ITGA9: variants seen among roughly 807,000 people sequenced by gnomAD.
The protein encoded by ITGA9 is integrin subunit alpha 9.
In ITGA9, 56 loss-of-function variants were observed where a neutral mutation model predicts 127.8. The observed-to-expected ratio is 0.44, with a 90% CI of 0.35 to 0.55. The LOEUF is 0.55. ITGA9 is among the 20% of genes least tolerant of loss of function. The probability of loss-of-function intolerance (pLI) is 0.00; values close to 1 mark genes in which losing one functional copy is unlikely to be tolerated. For synonymous variants in ITGA9, 508 were observed against 514.5 expected (o/e 0.99, Z 0.17); for missense variants, 1,196 against 1,347.1 (o/e 0.89, Z 1.76).
Position 37,716,577 on chromosome 3 carries a change from A to T in ITGA9, c.2068-16135A>T, listed in dbSNP as rs1470911814. Among the ~76,000 whole-genome samples, 5 of 149,602 alleles carry T rather than the reference A, an allele frequency of 3.3e-5. No homozygotes were observed. In the Admixed American group the frequency reaches 3.4e-4, roughly 10 times the overall value. ...CACAGCCAAGCCAACTCCTAACATA[A>T]TTGGAAGTTTAATATATTCCAACAA... On this transcript the variant is annotated intron_variant, in intron 18 of 27. Coordinates refer to ENST00000264741, the MANE Select transcript of ITGA9 (RefSeq NM_002207.3).
chr3:37,705,839 T>C (rs1461868940), intron 18 of ITGA9, among the ~76,000 whole-genome samples: 1 of 152,192 alleles, frequency 6.6e-6, no homozygotes, highest in Non-Finnish European at 1.5e-5. Context: ...TTCACCCAGC[T>C]TTCTAGTATA....
At chr3:37,733,515 C>CAAAAAA (rs58505517) in intron 19 of ITGA9, among the ~76,000 whole-genome samples, 2 of 80,380 alleles carry the variant, frequency 2.5e-5, no homozygotes, top group East Asian at 4.7e-4. Context: ...CTCCGTCTCA[C>CAAAAAA]AAAAAAAAAA....
chr3:37,590,770 C>A (rs1163754812), intron 15 of ITGA9, among the ~76,000 whole-genome samples: 1 of 151,462 alleles, frequency 6.6e-6, no homozygotes, highest in Non-Finnish European at 1.5e-5. Context: ...ACCCCTGGCT[C>A]CCAGGCACAG....
At chr3:37,725,676 A>C (rs915830751) in intron 18 of ITGA9, among the ~76,000 whole-genome samples, 1 of 152,228 alleles carries the variant, frequency 6.6e-6, no homozygotes, top group Admixed American at 6.5e-5. Context: ...GAGTTTTTAG[A>C]TAATGGATTT....
At position 37,471,097 on chromosome 3, in the gene ITGA9, C is replaced by A; in HGVS notation, c.276C>A (p.Asn92Lys). The A allele has an allele frequency of 1.2e-6, 2 of 1,614,098 alleles. No individual in the cohort carries two copies. The highest frequency in any genetic ancestry group is 1.7e-6 in the Non-Finnish European group (2 of 1,180,014). The change falls in exon 2 of 28, where the codon AAC becomes AAA. Residue 92 changes from asparagine to lysine, a missense_variant. Transcript: ENST00000264741. ...GAVFKCRVHTNPDRRCTELDM... is the reference protein window; with the variant it reads ...GAVFKCRVHTKPDRRCTELDM... ...TGTTTAAGTGCCGTGTTCACACCAA[C>A]CCTGACCGGAGATGCACCGAACTGG...
chr3:37,809,533 T>C (rs530002567), intron 27 of ITGA9, among the ~76,000 whole-genome samples: 1 of 152,112 alleles, frequency 6.6e-6, no homozygotes, highest in East Asian at 1.9e-4. Flanking sequence ...ACAGAAAATG[T>C]TGGTGCAGCA....
chr3:37,528,998 G>A lies in ITGA9; in HGVS notation c.1373+2927G>A, dbSNP rs1295438782. Among the ~76,000 whole-genome samples, 4 of 135,586 alleles carry A rather than the reference G, an allele frequency of 3.0e-5. No individual in the cohort carries two copies. In the East Asian group the frequency reaches 9.8e-4, roughly 33 times the overall value. The allele number at this position is 135,586 out of a possible 152,430, so 88.9% of individuals were successfully genotyped here. On this transcript the variant is annotated intron_variant, in intron 13 of 27. Coordinates refer to ENST00000264741, the MANE Select transcript of ITGA9 (RefSeq NM_002207.3). ...GCCCATTCTAGAATTTCACATTGGT[G>A]GGAATATACAGTATGGACTCTTGTT...
intron 15 of ITGA9, among the ~76,000 whole-genome samples, chr3:37,578,112 TG>T (rs1350904174): frequency 6.6e-6 from 1 of 151,934 alleles, no homozygotes; most frequent in African/African-American, 2.4e-5. Context: ...TTTTGGGGGG[TG>T]GGAGGCTGCA....
chr3:37,524,663 C>T (rs114562715), intron 12 of ITGA9, among the ~76,000 whole-genome samples: 6,040 of 152,248 alleles, frequency 0.04, 388 homozygotes, highest in African/African-American at 0.14. Flanking sequence ...ATGTGCATCT[C>T]GCAGTGACCC....
chr3:37,647,295 G>A (rs1700386313), intron 16 of ITGA9, among the ~76,000 whole-genome samples: 1 of 152,018 alleles, frequency 6.6e-6, no homozygotes, highest in Admixed American at 6.5e-5. Context: ...AACAAACTCT[G>A]AAATTTAGTA....
chr3:37,694,072 A>C (rs1324229594), intron 18 of ITGA9, among the ~76,000 whole-genome samples: 11 of 152,186 alleles, frequency 7.2e-5, no homozygotes, highest in Non-Finnish European at 1.0e-4. Context: ...CCAGTGCCCC[A>C]AGCCCCCTGG....
intron 25 of ITGA9, among the ~76,000 whole-genome samples, chr3:37,782,685 C>T (rs542553933): frequency 6.6e-6 from 1 of 152,344 alleles, no homozygotes; most frequent in African/African-American, 2.4e-5. Flanking sequence ...TCCAGGCCTC[C>T]CGAAGGATGT....
At chr3:37,501,387 G>A (rs1168647276) in intron 5 of ITGA9, among the ~76,000 whole-genome samples, 1 of 152,028 alleles carries the variant, frequency 6.6e-6, no homozygotes, top group Non-Finnish European at 1.5e-5. Context: ...TTCCTTGTTA[G>A]TGTTTAATCA....
At chr3:37,592,543 T>C (rs1294913851) in intron 15 of ITGA9, among the ~76,000 whole-genome samples, 1 of 152,148 alleles carries the variant, frequency 6.6e-6, no homozygotes, top group Non-Finnish European at 1.5e-5. Flanking sequence ...ACAGCCGGCC[T>C]CAGAGGAGGC....
At chr3:37,700,955 C>T (rs1245430123) in intron 18 of ITGA9, among the ~76,000 whole-genome samples, 1 of 152,188 alleles carries the variant, frequency 6.6e-6, no homozygotes, top group East Asian at 1.9e-4. Flanking sequence ...AATGCTTCCC[C>T]CACCTGGTGA....
chr3:37,677,590 T>A (rs1270649417), intron 17 of ITGA9, among the ~76,000 whole-genome samples: 2 of 152,250 alleles, frequency 1.3e-5, no homozygotes, highest in Non-Finnish European at 2.9e-5. Flanking sequence ...ATGTTTCATA[T>A]ACATTGATAC....
At chr3:37,773,689 C>G (rs960507291) in intron 23 of ITGA9, among the ~76,000 whole-genome samples, 1 of 151,776 alleles carries the variant, frequency 6.6e-6, no homozygotes, top group South Asian at 2.1e-4. Context: ...CTGGTGGGAA[C>G]TTTCTGGAGT....
At chr3:37,573,107 GC>G (rs1195824663) in intron 15 of ITGA9, 2 of 152,198 alleles carry the variant, frequency 1.3e-5, no homozygotes, top group Non-Finnish European at 2.9e-5. Flanking sequence ...GGCTCCACAG[GC>G]AGTTAATGAC....
chr3:37,787,214 C>G (rs1455285291), intron 26 of ITGA9, among the ~76,000 whole-genome samples: 1 of 152,102 alleles, frequency 6.6e-6, no homozygotes, highest in Non-Finnish European at 1.5e-5. Flanking sequence ...TTCTGGTAAA[C>G]CACAGTGTTA....
Sources: gnomAD v4.1 joint callset for allele counts (sites outside exome capture counted in the v4.1 genomes callset) on GRCh38, gnomAD v4.1.1 for gene constraint, MANE v1.5 for transcripts, NCBI Gene and HGNC (gene_info 2026-07-23, HGNC 2026-07-21) for gene names.